Variants in UROS observed in about 807,000 individuals in gnomAD.
UROS encodes uroporphyrinogen III synthase.
A neutral mutation model predicts 33.0 loss-of-function variants in UROS; 18 were observed. The ratio of observed to expected loss-of-function variants is 0.55; its 90% CI spans 0.38 to 0.81. The LOEUF (loss-of-function observed/expected upper bound fraction) is 0.81. Among genes scored for constraint, UROS ranks in the 30% least tolerant of loss-of-function variants. The pLI is 0.00. For synonymous variants in UROS, 114 were observed against 121.1 expected (o/e 0.94, Z 0.38); for missense variants, 293 against 314.9 (o/e 0.93, Z 0.53).
intron 1 of UROS, among the ~76,000 whole-genome samples, chr10:125,821,391 G>C (rs1334665942): frequency 6.6e-6 from 1 of 152,214 alleles, no homozygotes; most frequent in African/African-American, 2.4e-5. Flanking sequence ...ACAAAAGGAA[G>C]AATATTGTGT....
Position 125,815,167 on chromosome 10 carries a change from T to C in UROS, c.148-37A>G. 3 of 1,607,322 alleles carry C rather than the reference T, an allele frequency of 1.9e-6. No individual in the cohort carries two copies. In the South Asian group the frequency reaches 3.3e-5, roughly 18 times the overall value. On this transcript the variant is annotated intron_variant, in intron 3 of 9. Coordinates refer to ENST00000368797, the MANE Select transcript of UROS (RefSeq NM_000375.3). ...AAAGCAATAAAGACATTTTATACGA[T>C]GGCTATGTTCAACATCTTCCAAGGA...
At chr10:125,807,357 T>A (rs753363006) in intron 6 of UROS, 56 bp downstream of exon 6, 14 of 1,459,214 alleles carry the variant, frequency 9.6e-6, no homozygotes, top group Non-Finnish European at 1.3e-5. Flanking sequence ...TAGGTAGTGG[T>A]TGTGAGGTCA....
intron 7 of UROS, among the ~76,000 whole-genome samples, chr10:125,797,739 C>A (rs1206971788): frequency 6.7e-6 from 1 of 150,230 alleles, no homozygotes; most frequent in Non-Finnish European, 1.5e-5. Flanking sequence ...CATGTGGAAC[C>A]AATTCTATGG....
chr10:125,818,940 T>C (rs1853602486), intron 1 of UROS, among the ~76,000 whole-genome samples: 1 of 152,254 alleles, frequency 6.6e-6, no homozygotes, highest in Non-Finnish European at 1.5e-5. Context: ...GTTGCCTGCT[T>C]AGGTCTCTCC....
At position 125,798,022 on chromosome 10, in the gene UROS, G is replaced by A. The variant is rs753062070; in HGVS notation, c.475+43C>T. 6 of 1,606,062 alleles carry A rather than the reference G, an allele frequency of 3.7e-6. No individual in the cohort carries two copies. In the South Asian group the frequency reaches 6.6e-5, roughly 18 times the overall value. ...TCTATCACTGCAAAGGCTCCTGGTG[G>A]ATCCCAAAGTGGTAAGGGATGCAGT... On this transcript the variant is annotated intron_variant, in intron 7 of 9. Transcript: ENST00000368797.
intron 3 of UROS, among the ~76,000 whole-genome samples, chr10:125,815,535 G>T (rs1464376392): frequency 6.6e-5 from 10 of 152,168 alleles, no homozygotes; most frequent in Non-Finnish European, 4.4e-5. Flanking sequence ...CTGAAGTCCT[G>T]ATTTTCAAAG....
In UROS at chr10:125,794,925, G is replaced by C. The variant is rs543787236; in HGVS notation, c.615C>G (p.Leu205=). 1 of 1,614,168 alleles carries C rather than the reference G, an allele frequency of 6.2e-7. No individual in the cohort carries two copies. The highest frequency in any genetic ancestry group is 2.2e-5 in the East Asian group (1 of 44,890). Residue 205 remains leucine (L), a synonymous_variant, in exon 9 of 10, where the codon CTC becomes CTG. Transcript: ENST00000368797. The part of the protein sequence containing the change: ...FFSPSGLTYS[L]KHIQELSGDN... ...CACCAGATAACTCCTGAATGTGCTT[G>C]AGACTGTATGTGAGGCCAGAGGGAC...
chr10:125,813,935 C>T (rs1853056423), intron 4 of UROS, among the ~76,000 whole-genome samples: 1 of 152,204 alleles, frequency 6.6e-6, no homozygotes, highest in Non-Finnish European at 1.5e-5. Context: ...ACTCCATGCC[C>T]ACTCTGCTCC....
intron 6 of UROS, chr10:125,807,129 C>A: frequency 2.3e-6 from 1 of 430,352 alleles, no homozygotes; most frequent in South Asian, 2.2e-5. Context: ...CTTTGGAATC[C>A]CTCAAGTGAT....
At chr10:125,813,559 C>T (rs543148460) in intron 4 of UROS, among the ~76,000 whole-genome samples, 13 of 152,312 alleles carry the variant, frequency 8.5e-5, no homozygotes, top group African/African-American at 3.1e-4. Flanking sequence ...GCTCATACAA[C>T]CTCTGCCTCC....
chr10:125,802,023 C>A (rs553089781), intron 6 of UROS: 1 of 985,306 alleles, frequency 1.0e-6, no homozygotes, highest in African/African-American at 1.7e-5. Flanking sequence ...GAAATAATTA[C>A]TATTCTTTGT....
At chr10:125,822,879 A>G (rs1310317818) in intron 1 of UROS, 150 bp downstream of exon 1, 2 of 152,196 alleles carry the variant, frequency 1.3e-5, no homozygotes, top group Admixed American at 6.5e-5. Flanking sequence ...GCGCAGCGGT[A>G]GCGGCAGCGG....
chr10:125,785,335 A>T (rs1351460856), downstream of UROS: 1 of 152,192 alleles, frequency 6.6e-6, no homozygotes. Context: ...CAACTTAATC[A>T]CACTCTCATG....
rs747018113 is a variant in UROS at position 125,794,930 on chromosome 10, T to C, written c.610A>G (p.Ser204Gly). The C allele has an allele frequency of 1.2e-6, 2 of 1,614,136 alleles. No individual in the cohort carries two copies. Among genetic ancestry groups the C allele is most frequent in the South Asian group, 1.1e-5 (1 of 91,080 alleles). ...TFFSPSGLTY[S>G]LKHIQELSGD... The stretch of plus-strand genomic sequence containing the variant: ...GATAACTCCTGAATGTGCTTGAGAC[T>C]GTATGTGAGGCCAGAGGGACTAAAA... Residue 204 changes from serine to glycine, a missense_variant, in exon 9 of 10, where the codon AGT (serine) becomes GGT (glycine). Coordinates refer to ENST00000368797, the MANE Select transcript of UROS (RefSeq NM_000375.3).
At chr10:125,798,249 A>T in intron 6 of UROS, 104 bp from the exon 7 acceptor site, 1 of 1,181,606 alleles carries the variant, frequency 8.5e-7, no homozygotes, top group South Asian at 1.3e-5. Flanking sequence ...CCTGGGCTCC[A>T]GGCCTGGCTC....
chr10:125,795,127 C>T, intron 8 of UROS, 149 bp from the exon 9 acceptor site: 1 of 725,056 alleles, frequency 1.4e-6, no homozygotes, highest in East Asian at 2.7e-5. Context: ...CTGGCATCCT[C>T]TGCTCCAGTG....
At chr10:125,807,561 G>A (rs937681054) in intron 5 of UROS, 74 bp from the exon 6 acceptor site, 33 of 1,159,806 alleles carry the variant, frequency 2.8e-5, no homozygotes, top group East Asian at 4.7e-5. Flanking sequence ...ATTTTTTAAC[G>A]TGCAAATACA....
chr10:125,811,437 C>T (rs928267603), intron 5 of UROS, among the ~76,000 whole-genome samples: 10 of 152,192 alleles, frequency 6.6e-5, no homozygotes, highest in African/African-American at 2.4e-4. Context: ...AATTCCCTTT[C>T]CCTGGCTGAT....
In UROS at chr10:125,807,501, A is replaced by C; in HGVS notation, c.320-14T>G. On this transcript the variant is annotated splice_polypyrimidine_tract_variant and intron_variant, in intron 5 of 9. Coordinates refer to ENST00000368797, the MANE Select transcript of UROS (RefSeq NM_000375.3). ...CAATTTTACTCACTGGAAAACCACA[A>C]AGAAATGTATTTCTTAACACGGTTA... The C allele has an allele frequency of 6.2e-7, 1 of 1,607,840 alleles. No individual in the cohort carries two copies. Among genetic ancestry groups the C allele is most frequent in the Non-Finnish European group, 8.5e-7 (1 of 1,174,462 alleles).
Sources: gnomAD v4.1 joint callset for allele counts (sites outside exome capture counted in the v4.1 genomes callset) on GRCh38, gnomAD v4.1.1 for gene constraint, MANE v1.5 for transcripts, NCBI Gene and HGNC (gene_info 2026-07-23, HGNC 2026-07-21) for gene names.